The following PLA2G4C variants were observed in gnomAD, a reference collection of about 807,000 sequenced individuals.
PLA2G4C encodes the protein phospholipase A2 group IVC, also known as cytosolic phospholipase A2 gamma.
In PLA2G4C, 64 loss-of-function variants were observed where a neutral mutation model predicts 73.8. The ratio of observed to expected loss-of-function variants is 0.87; its 90% CI spans 0.71 to 1.07. The LOEUF is 1.07. PLA2G4C is among the 50% of genes least tolerant of loss of function. The pLI, the probability that PLA2G4C is intolerant of heterozygous loss-of-function variation, is 0.00. For missense variants in PLA2G4C, 622 were observed against 665.4 expected (o/e 0.93, Z 0.72); for synonymous variants, 254 against 252.1 (o/e 1.01, Z -0.07).
chr19:48,094,341 G>A (rs552962905), intron 7 of PLA2G4C, among the ~76,000 whole-genome samples: 2 of 152,260 alleles, frequency 1.3e-5, no homozygotes, highest in African/African-American at 4.8e-5. Flanking sequence ...CTTCCCTGGA[G>A]TGCAAACTTC....
chr19:48,108,450 T>C (rs974575760), intron 1 of PLA2G4C, among the ~76,000 whole-genome samples: 6 of 152,224 alleles, frequency 3.9e-5, no homozygotes, highest in African/African-American at 9.6e-5. Flanking sequence ...AGCTGAGTTC[T>C]GTGTTTCACG....
chr19:48,055,792 G>A (rs1227223116), intron 14 of PLA2G4C, among the ~76,000 whole-genome samples: 3 of 151,854 alleles, frequency 2.0e-5, no homozygotes, highest in Admixed American at 1.3e-4. Flanking sequence ...GCTCCACCAC[G>A]CCCGGCTAAT....
intron 10 of PLA2G4C, among the ~76,000 whole-genome samples, chr19:48,081,491 G>A (rs111916749): frequency 0.02 from 3,068 of 150,958 alleles, 103 homozygotes; most frequent in African/African-American, 0.069. Context: ...GGAGTGGTGG[G>A]TCATGCCTGT....
At position 48,053,035 on chromosome 19, in the gene PLA2G4C, G is replaced by C. The variant is rs1265331611; in HGVS notation, c.1542C>G (p.Asn514Lys). The change falls in exon 16 of 17, where the codon AAC becomes AAG. Residue 514 changes from asparagine to lysine, a missense_variant. Asn to Lys is a moderately conservative substitution (Grantham distance 94). Coordinates refer to ENST00000599921, the MANE Select transcript of PLA2G4C (RefSeq NM_003706.3). ...LALAKKNVRE[N>K]KKKILRELMN... is the part of the protein sequence containing the mutation. ...TCAACTCTCTAAGGATCTTCTTCTTGTTTTCCCTGACATTCTTCTTGGCTA... is the reference window on the plus strand; with the variant it reads ...TCAACTCTCTAAGGATCTTCTTCTTCTTTTCCCTGACATTCTTCTTGGCTA... 3.1e-6 allele frequency: 5 copies of C among 1,613,228 alleles called. No homozygotes were observed. Among genetic ancestry groups the C allele is most frequent in the Admixed American group, 1.7e-5 (1 of 59,960 alleles).
Position 48,110,679 on chromosome 19 carries a change from C to T in PLA2G4C, c.-225G>A. 2.1e-6 allele frequency: 1 copy of T among 486,574 alleles called. No homozygotes were observed. The highest frequency in any genetic ancestry group is 3.3e-6 in the Non-Finnish European group (1 of 302,512). The allele number at this position is 486,574 out of a possible 1,614,324, so 30.1% of individuals were successfully genotyped here. On this transcript the variant is annotated 5_prime_UTR_variant, in exon 1 of 17. Coordinates refer to ENST00000599921, the MANE Select transcript of PLA2G4C (RefSeq NM_003706.3). ...TGGTCCTCCTGCTTTCCTTTTCCCC[C>T]TGTGGGAGGAGGTCGCGGGCTGGAG... is the stretch of plus-strand genomic sequence containing the variant.
Position 48,110,498 on chromosome 19 carries a change from T to A in PLA2G4C, c.-44A>T. 1 of 1,217,826 alleles carries A rather than the reference T, an allele frequency of 8.2e-7. No individual in the cohort carries two copies. Among genetic ancestry groups the A allele is most frequent in the Non-Finnish European group, 1.0e-6 (1 of 968,982 alleles). The allele number at this position is 1,217,826 out of a possible 1,614,324, so 75.4% of individuals were successfully genotyped here. A position where few individuals can be genotyped will look rare whatever the true frequency, so the allele number is the denominator to read the frequency against. On this transcript the variant is annotated 5_prime_UTR_variant, in exon 1 of 17. Transcript: ENST00000599921. ...CCCCCACGGCTTGCCTGAGCCTGGG[T>A]CTGGGGCGTGTGCGCATGCGCGGTG...
At chr19:48,097,499 G>A (rs868444165) in intron 6 of PLA2G4C, among the ~76,000 whole-genome samples, 4 of 151,620 alleles carry the variant, frequency 2.6e-5, no homozygotes, top group East Asian at 2.0e-4. Context: ...TGATCCACCC[G>A]CCTCGGCCTC....
In PLA2G4C at chr19:48,067,792, G is replaced by A. The variant is rs764140431; in HGVS notation, c.1101C>T (p.His367=). Residue 367 remains histidine (H), a splice_region_variant and synonymous_variant, in exon 13 of 17, where the codon CAC becomes CAT. Transcript: ENST00000599921. The part of the protein sequence containing the change: ...WGTTHNFLYK[H]GGIRDKIMSS... ...GCGGTGGGAAGAGGGTCTTCTCACCGTGTTTGTACAGGAAGTTGTGAGTGG... is the reference window on the plus strand; with the variant it reads ...GCGGTGGGAAGAGGGTCTTCTCACCATGTTTGTACAGGAAGTTGTGAGTGG... The A allele has an allele frequency of 1.1e-5, 18 of 1,599,364 alleles. No homozygotes were observed. The highest frequency in any genetic ancestry group is 2.2e-5 in the South Asian group (2 of 90,810).
intron 13 of PLA2G4C, among the ~76,000 whole-genome samples, chr19:48,066,236 G>T (rs1351731185): frequency 6.6e-6 from 1 of 152,124 alleles, no homozygotes; most frequent in Non-Finnish European, 1.5e-5. Flanking sequence ...GAGTGCCCTG[G>T]CTGACAGGAG....
At chr19:48,075,969 C>A (rs6650756) in intron 11 of PLA2G4C, among the ~76,000 whole-genome samples, 3,108 of 152,296 alleles carry the variant, frequency 0.02, 103 homozygotes, top group African/African-American at 0.07. Context: ...ACATTAAAGC[C>A]CGCCATGTGG....
chr19:48,048,889 T>C (rs1967619590), intron 16 of PLA2G4C, among the ~76,000 whole-genome samples: 1 of 152,212 alleles, frequency 6.6e-6, no homozygotes, highest in Non-Finnish European at 1.5e-5. Context: ...GTTTGGATCA[T>C]GGGAGTGGAT....
Position 48,072,654 on chromosome 19 carries a change from C to T in PLA2G4C, c.1006+2113G>A, listed in dbSNP as rs2029884665. 2 of 152,144 alleles carry T rather than the reference C, an allele frequency of 1.3e-5. No individual in the cohort carries two copies. The highest frequency in any genetic ancestry group is 2.1e-4 in the South Asian group (1 of 4,824). 9.4% of individuals were successfully genotyped at this position (152,144 alleles called of 1,614,324 possible). ...AGCTCAGAGACATCAAGTTAATAGT[C>T]GGCTCCCTCTTTAAATTGTAGACAA... On this transcript the variant is annotated intron_variant, in intron 12 of 16. Coordinates refer to ENST00000599921, the MANE Select transcript of PLA2G4C (RefSeq NM_003706.3). This position sits in a 1 kb window ranked among gnomAD's most constrained non-coding sequence, Gnocchi z 4.4.
At chr19:48,064,143 T>C (rs1312897594) in intron 13 of PLA2G4C, among the ~76,000 whole-genome samples, 3 of 152,144 alleles carry the variant, frequency 2.0e-5, no homozygotes, top group Admixed American at 2.0e-4. Flanking sequence ...AATTACTCTA[T>C]TTTGGCCGGG....
intron 4 of PLA2G4C, among the ~76,000 whole-genome samples, chr19:48,101,629 T>A (rs1269648623): frequency 6.6e-6 from 1 of 152,056 alleles, no homozygotes; most frequent in African/African-American, 2.4e-5. Context: ...AACTCTGAAG[T>A]ATGTTTGGAA....
At chr19:48,057,480 CTTCTTTTTTTTTTTTTTT>C (rs1967995758) in intron 14 of PLA2G4C, among the ~76,000 whole-genome samples, 1 of 28,084 alleles carries the variant, frequency 3.6e-5, no homozygotes, top group African/African-American at 1.1e-4. Flanking sequence ...TCTTCTTCTT[CTTCTTTTTTTTTTTTTTT>C]TTTTTTTTTT....
chr19:48,089,744 C>T (rs2031188534), intron 8 of PLA2G4C, among the ~76,000 whole-genome samples: 1 of 152,138 alleles, frequency 6.6e-6, no homozygotes, highest in Non-Finnish European at 1.5e-5. Context: ...AGAAGCAGAG[C>T]CGGGATGTGG....
At chr19:48,100,486 T>C (rs2031839046) in intron 4 of PLA2G4C, among the ~76,000 whole-genome samples, 2 of 151,120 alleles carry the variant, frequency 1.3e-5, no homozygotes, top group Admixed American at 6.6e-5. Flanking sequence ...ACGCCTGTGG[T>C]CCCAGCTGCT....
chr19:48,070,881 G>A (rs1189311235), intron 12 of PLA2G4C, among the ~76,000 whole-genome samples: 5 of 151,876 alleles, frequency 3.3e-5, no homozygotes, highest in African/African-American at 9.7e-5. Context: ...TCCTGCACAT[G>A]TATCCTCAAA....
intron 14 of PLA2G4C, among the ~76,000 whole-genome samples, chr19:48,057,497 T>C (rs1967999404): frequency 1.0e-5 from 1 of 98,870 alleles, no homozygotes; most frequent in African/African-American, 3.5e-5. Flanking sequence ...TTTTTTTTTT[T>C]TTTTTTTTTT....
Sources: gnomAD v4.1 joint callset for allele counts (sites outside exome capture counted in the v4.1 genomes callset) on GRCh38, gnomAD v4.1.1 for gene constraint, Gnocchi (gnomAD v3.1) non-coding constraint, MANE v1.5 for transcripts, NCBI Gene and HGNC (gene_info 2026-07-23, HGNC 2026-07-21) for gene names.